Variants in TAF3 observed in about 807,000 individuals in gnomAD.
TAF3 encodes the protein transcription initiation factor TFIID subunit 3.
A neutral mutation model predicts 80.6 loss-of-function variants in TAF3; 7 were observed. The observed-to-expected ratio is 0.09, with a 90% confidence interval of 0.05 to 0.16. TAF3 has a LOEUF of 0.16. Ranked by LOEUF, TAF3 falls within the 10% of genes least tolerant of loss-of-function variation. The pLI is 1.00. For synonymous variants in TAF3, 444 were observed against 446.1 expected, an observed-to-expected ratio of 1.00 and a Z score of 0.06; for missense variants, 921 against 1,140.2, an observed-to-expected ratio of 0.81 and a Z score of 2.77.
chr10:7,869,106 C>T (rs1266972773), intron 2 of TAF3, among the ~76,000 whole-genome samples: 1 of 151,968 alleles, frequency 6.6e-6, no homozygotes, highest in Non-Finnish European at 1.5e-5. Flanking sequence ...TTATATTCTA[C>T]TTATTTTAAA....
At chr10:7,861,023 G>A (rs7898426) in intron 2 of TAF3, among the ~76,000 whole-genome samples, 25,959 of 151,052 alleles carry the variant, frequency 0.17, 2,264 homozygotes, top group Admixed American at 0.23. Context: ...GTGCAGTGGC[G>A]CCATCTCGGC....
intron 2 of TAF3, among the ~76,000 whole-genome samples, chr10:7,958,600 T>G (rs1439978867): frequency 6.6e-6 from 1 of 152,062 alleles, no homozygotes; most frequent in Non-Finnish European, 1.5e-5. Context: ...ATCAAGATAG[T>G]AGTTCCCTGG....
At chr10:7,905,259 G>A (rs1038856655) in intron 2 of TAF3, among the ~76,000 whole-genome samples, 1 of 152,204 alleles carries the variant, frequency 6.6e-6, no homozygotes, top group Non-Finnish European at 1.5e-5. Context: ...GCGGTAAACA[G>A]AAGAGTGACA....
intron 2 of TAF3, among the ~76,000 whole-genome samples, chr10:7,898,705 G>A (rs1004639738): frequency 6.6e-6 from 1 of 152,098 alleles, no homozygotes; most frequent in Non-Finnish European, 1.5e-5. Flanking sequence ...GAAAGAAAGA[G>A]GTAGACTCTC....
intron 2 of TAF3, among the ~76,000 whole-genome samples, chr10:7,932,669 A>AATTTTTTTTTTTTTT (rs1837878507): frequency 1.3e-5 from 1 of 78,810 alleles, no homozygotes; most frequent in African/African-American, 5.8e-5. Flanking sequence ...GTTCCACTTA[A>AATTTTTTTTTTTTTT]TTTTTTTTTT....
At chr10:8,006,663 G>T (rs1241497253) in intron 4 of TAF3, among the ~76,000 whole-genome samples, 4 of 152,222 alleles carry the variant, frequency 2.6e-5, no homozygotes, top group Admixed American at 2.0e-4. Context: ...TGAAATAATG[G>T]TGAAGTTTTT....
intron 2 of TAF3, among the ~76,000 whole-genome samples, chr10:7,824,768 A>G (rs1836725074): frequency 6.6e-6 from 1 of 152,236 alleles, no homozygotes; most frequent in Admixed American, 6.5e-5. Flanking sequence ...TCATGTCTGA[A>G]GCATTTATCT....
intron 1 of TAF3, among the ~76,000 whole-genome samples, chr10:7,819,988 A>G (rs1265028500): frequency 2.0e-5 from 3 of 152,178 alleles, no homozygotes; most frequent in Non-Finnish European, 4.4e-5. Context: ...CTAAAAATCG[A>G]AACTCTTAGC....
At chr10:7,962,587 TCTCTTACA>T (rs1831519617) in intron 2 of TAF3, among the ~76,000 whole-genome samples, 1 of 152,210 alleles carries the variant, frequency 6.6e-6, no homozygotes. Flanking sequence ...ATTTTCTGTT[TCTCTTACA>T]CTCCCCGTGT....
chr10:7,966,873 G>C (rs1831576102), intron 3 of TAF3, among the ~76,000 whole-genome samples: 1 of 152,132 alleles, frequency 6.6e-6, no homozygotes, highest in Admixed American at 6.5e-5. Flanking sequence ...ATATAAAAAA[G>C]TGAAATGGGA....
intron 2 of TAF3, among the ~76,000 whole-genome samples, chr10:7,938,864 C>T (rs1837950061): frequency 6.6e-6 from 1 of 152,184 alleles, no homozygotes; most frequent in Non-Finnish European, 1.5e-5. Flanking sequence ...GCGGAGATTT[C>T]TGTTTGTCAT....
At chr10:7,862,138 C>T (rs1009015502) in intron 2 of TAF3, among the ~76,000 whole-genome samples, 9 of 152,096 alleles carry the variant, frequency 5.9e-5, no homozygotes, top group African/African-American at 2.2e-4. Flanking sequence ...TTTAGAGTTC[C>T]ATTTCTCTCC....
intron 2 of TAF3, among the ~76,000 whole-genome samples, chr10:7,836,291 T>G (rs1325763725): frequency 2.2e-5 from 1 of 44,984 alleles, no homozygotes; most frequent in Non-Finnish European, 4.1e-5. Flanking sequence ...TCTTTTTTCT[T>G]TCTTTTTTTT....
chr10:7,828,491 A>G (rs1836765696), intron 2 of TAF3, among the ~76,000 whole-genome samples: 1 of 152,136 alleles, frequency 6.6e-6, no homozygotes, highest in African/African-American at 2.4e-5. Flanking sequence ...GGACTGTTAC[A>G]GTTCTGATGG....
chr10:7,854,799 A>G (rs1235698272), intron 2 of TAF3, among the ~76,000 whole-genome samples: 1 of 152,204 alleles, frequency 6.6e-6, no homozygotes, highest in Admixed American at 6.5e-5. Context: ...GATCAGTAGT[A>G]TGTTACAGTA....
intron 5 of TAF3, 93 bp from the exon 6 acceptor site, chr10:8,013,638 G>T: frequency 2.1e-6 from 2 of 968,410 alleles, no homozygotes; most frequent in Non-Finnish European, 3.2e-6. Flanking sequence ...TGTTTATTCG[G>T]TTAACAGTAT....
At chr10:7,965,863 A>G (rs1831566491) in intron 3 of TAF3, 121 bp downstream of exon 3, 1 of 1,347,436 alleles carries the variant, frequency 7.4e-7, no homozygotes. Flanking sequence ...AAGTGGAAAT[A>G]TGTTTATAAT....
intron 2 of TAF3, among the ~76,000 whole-genome samples, chr10:7,933,820 T>A (rs555708283): frequency 2.0e-5 from 3 of 152,222 alleles, no homozygotes; most frequent in Non-Finnish European, 4.4e-5. Context: ...TTAAGCCTGT[T>A]CTTTGGCTAT....
intron 2 of TAF3, among the ~76,000 whole-genome samples, chr10:7,944,867 T>G (rs1048545089): frequency 1.3e-5 from 2 of 152,206 alleles, no homozygotes; most frequent in Admixed American, 6.5e-5. Flanking sequence ...CTAAAATAGC[T>G]TTAGAGCCCC....
Sources: gnomAD v4.1 joint callset for allele counts (sites outside exome capture counted in the v4.1 genomes callset) on GRCh38, gnomAD v4.1.1 for gene constraint, MANE v1.5 for transcripts, NCBI Gene and HGNC (gene_info 2026-07-23, HGNC 2026-07-21) for gene names.